SCMH1: variants seen among roughly 807,000 people sequenced by gnomAD.
The protein encoded by SCMH1 is Scm polycomb group protein homolog 1.
Under a neutral mutation model 70.8 loss-of-function variants are expected in SCMH1, and 37 were observed. The observed-to-expected ratio is 0.52, with a 90% confidence interval of 0.40 to 0.69. The LOEUF (loss-of-function observed/expected upper bound fraction) is 0.69, where lower values mean the gene tolerates loss of function less well. Among genes scored for constraint, SCMH1 ranks in the 30% least tolerant of loss-of-function variants. The pLI, the probability that SCMH1 is intolerant of heterozygous loss-of-function variation, is 0.00. For synonymous variants in SCMH1, 292 were observed against 307.4 expected (o/e 0.95, Z 0.52); for missense variants, 607 against 827.3 (o/e 0.73, Z 3.27).
In SCMH1 at chr1:41,192,495, G is replaced by GACACACACACACACACAC. The variant is rs55940657; in HGVS notation, c.-117-6263_-117-6246dup. On this transcript the variant is annotated intron_variant, in intron 1 of 14. Transcript: ENST00000337495. The stretch of plus-strand genomic sequence containing the variant: ...TAGTTGTTGAGAGGATTAAATAGGA[G>GACACACACACACACACAC]ACACACACACACACACACACACACA... 9.3e-3 allele frequency among the ~76,000 whole-genome samples: 1,381 copies of GACACACACACACACACAC among 148,712 alleles called. 12 individuals carry two copies. The highest frequency in any genetic ancestry group is 0.012 in the Non-Finnish European group (802 of 67,096).
chr1:41,222,209 A>C (rs1286052126), intron 1 of SCMH1, among the ~76,000 whole-genome samples: 1 of 152,148 alleles, frequency 6.6e-6, no homozygotes, highest in Non-Finnish European at 1.5e-5. Flanking sequence ...AAGAAGAAAG[A>C]GAAAGCATGA....
At chr1:41,135,794 A>ACCATTGCAGAAATTTGTTG in intron 6 of SCMH1, among the ~76,000 whole-genome samples, 1 of 152,228 alleles carries the variant, frequency 6.6e-6, no homozygotes, top group Non-Finnish European at 1.5e-5. Context: ...AAATATTTCC[A>ACCATTGCAGAAATTTGTTG]CCATTGCAGA....
chr1:41,046,346 T>C (rs1423498655), intron 12 of SCMH1, 61 bp downstream of exon 12: 25 of 1,466,916 alleles, frequency 1.7e-5, no homozygotes, highest in Non-Finnish European at 2.3e-5. Context: ...CCTGGGCCCC[T>C]GCAGGTGCTG....
intron 8 of SCMH1, among the ~76,000 whole-genome samples, chr1:41,106,939 C>T (rs1668090550): frequency 6.6e-6 from 1 of 151,922 alleles, no homozygotes; most frequent in Admixed American, 6.5e-5. Context: ...CCACCCGCCT[C>T]TGCCTCCCAA....
At chr1:41,132,624 C>A (rs1296346776) in intron 6 of SCMH1, among the ~76,000 whole-genome samples, 2 of 152,260 alleles carry the variant, frequency 1.3e-5, no homozygotes, top group East Asian at 3.9e-4. Context: ...TTTGCCCATG[C>A]CTATGTCCTG....
intron 4 of SCMH1, chr1:41,159,689 A>G: frequency 6.6e-7 from 1 of 1,519,526 alleles, no homozygotes; most frequent in Non-Finnish European, 8.8e-7. Flanking sequence ...AATAATAAAA[A>G]ATAACTATCA....
chr1:41,144,715 C>T (rs976969099), intron 5 of SCMH1, among the ~76,000 whole-genome samples: 1 of 151,988 alleles, frequency 6.6e-6, no homozygotes, highest in Non-Finnish European at 1.5e-5. Flanking sequence ...ATAATTTTAC[C>T]ACCAATGTAC....
intron 9 of SCMH1, among the ~76,000 whole-genome samples, chr1:41,071,694 G>A (rs757973974): frequency 4.0e-5 from 6 of 151,136 alleles, no homozygotes; most frequent in Non-Finnish European, 5.9e-5. Context: ...ACAGAGTCTT[G>A]CTCTGTTATC....
At chr1:41,164,418 C>A (rs1646274279) in intron 2 of SCMH1, among the ~76,000 whole-genome samples, 1 of 143,772 alleles carries the variant, frequency 7.0e-6, no homozygotes, top group Admixed American at 7.0e-5. Flanking sequence ...AATATACTCT[C>A]CCCAACTTCA....
intron 2 of SCMH1, among the ~76,000 whole-genome samples, chr1:41,173,762 C>T (rs575537469): frequency 6.6e-6 from 1 of 152,210 alleles, no homozygotes; most frequent in African/African-American, 2.4e-5. Flanking sequence ...TATATATAAA[C>T]AATGGGATAC....
intron 1 of SCMH1, among the ~76,000 whole-genome samples, chr1:41,194,620 G>A (rs1339305343): frequency 2.0e-5 from 3 of 152,130 alleles, no homozygotes; most frequent in Admixed American, 2.0e-4. Flanking sequence ...GACTCTTTTG[G>A]ATAGAGCTAT....
At chr1:41,028,418 G>A (rs1644033301) in intron 14 of SCMH1, 99 bp from the exon 16 acceptor site, 10 of 1,536,374 alleles carry the variant, frequency 6.5e-6, no homozygotes, top group Non-Finnish European at 8.0e-6. Context: ...ATCCTGGGAA[G>A]TGCCCGCCAC....
At chr1:41,183,856 AAT>A (rs1255851534) in intron 2 of SCMH1, among the ~76,000 whole-genome samples, 4 of 148,316 alleles carry the variant, frequency 2.7e-5, no homozygotes, top group African/African-American at 5.3e-5. Context: ...AACTGCAGAT[AAT>A]ATGTCATTTA....
intron 8 of SCMH1, among the ~76,000 whole-genome samples, chr1:41,089,842 A>G (rs1290273635): frequency 9.0e-6 from 1 of 111,712 alleles, no homozygotes; most frequent in Admixed American, 1.3e-4. Flanking sequence ...CCCAGGCTGG[A>G]GTGCAGTGGT....
chr1:41,140,295 CTT>C (rs61401237), intron 6 of SCMH1, among the ~76,000 whole-genome samples: 3,596 of 145,544 alleles, frequency 0.025, 54 homozygotes, highest in African/African-American at 0.044. Flanking sequence ...ACCCCAATAA[CTT>C]TTTTTTTTTT....
intron 12 of SCMH1, among the ~76,000 whole-genome samples, chr1:41,038,707 A>G (rs954265202): frequency 2.0e-5 from 3 of 150,600 alleles, no homozygotes; most frequent in Admixed American, 6.7e-5. Context: ...TTCTGAAAAG[A>G]TAAGTCTGAG....
chr1:41,046,352 T>A lies in SCMH1; in HGVS notation c.1498+55A>T, dbSNP rs553008996. 13 of 1,509,532 alleles carry A rather than the reference T, an allele frequency of 8.6e-6. No individual in the cohort carries two copies. In the East Asian group the frequency reaches 2.7e-4, roughly 32 times the overall value. The allele number at this position is 1,509,532 out of a possible 1,614,324, so 93.5% of individuals were successfully genotyped here. ...AAGGCTGACCCTGGGCCCCTGCAGGTGCTGCTGCTAGCCCTGTCCCCCACT... is the reference window on the plus strand; with the variant it reads ...AAGGCTGACCCTGGGCCCCTGCAGGAGCTGCTGCTAGCCCTGTCCCCCACT... On this transcript the variant is annotated intron_variant, in intron 12 of 14. Coordinates refer to ENST00000337495, the Ensembl canonical transcript of SCMH1.
chr1:41,200,101 C>A (rs1168538398), intron 1 of SCMH1, among the ~76,000 whole-genome samples: 2 of 152,120 alleles, frequency 1.3e-5, no homozygotes, highest in East Asian at 1.9e-4. Context: ...GCTTTCAGAT[C>A]TTTTTTGATT....
At chr1:41,048,642 A>T in intron 11 of SCMH1, 48 bp downstream of exon 11, 1 of 1,538,712 alleles carries the variant, frequency 6.5e-7, no homozygotes, top group African/African-American at 1.4e-5. Flanking sequence ...CCAGTTGAGA[A>T]GGTGGGTCCT....
Sources: allele counts gnomAD v4.1 joint callset (sites outside exome capture counted in the v4.1 genomes callset), GRCh38; gene constraint gnomAD v4.1.1; transcripts MANE v1.5; gene names NCBI Gene and HGNC (gene_info 2026-07-23, HGNC 2026-07-21).